Variants in RASGRF2 observed in about 807,000 individuals in gnomAD.
RASGRF2 encodes the protein Ras protein specific guanine nucleotide releasing factor 2.
RASGRF2 carries 76 observed loss-of-function variants against 151.0 expected under a neutral mutation model. The ratio of observed to expected loss-of-function variants is 0.50; its 90% CI spans 0.42 to 0.61. The LOEUF (loss-of-function observed/expected upper bound fraction) is 0.61. Among genes scored for constraint, RASGRF2 ranks in the 20% least tolerant of loss-of-function variants. The pLI, the probability that RASGRF2 is intolerant of heterozygous loss-of-function variation, is 0.00. For missense variants in RASGRF2, 1,148 were observed against 1,564.6 expected (o/e 0.73, Z 4.49); for synonymous variants, 504 against 566.5 (o/e 0.89, Z 1.57).
chr5:80,998,444 T>C (rs908091253), intron 1 of RASGRF2, among the ~76,000 whole-genome samples: 3 of 152,076 alleles, frequency 2.0e-5, no homozygotes, highest in Non-Finnish European at 2.9e-5. Flanking sequence ...AAGCCGAAAA[T>C]AGGTTTTGTT....
chr5:81,025,232 G>A (rs1435869849), intron 1 of RASGRF2, among the ~76,000 whole-genome samples: 1 of 152,186 alleles, frequency 6.6e-6, no homozygotes, highest in African/African-American at 2.4e-5. Context: ...TTTCTCAGGT[G>A]TGGCCAACTT....
At chr5:81,050,547 C>G (rs778527811) in intron 2 of RASGRF2, among the ~76,000 whole-genome samples, 1 of 152,094 alleles carries the variant, frequency 6.6e-6, no homozygotes, top group East Asian at 1.9e-4. Flanking sequence ...GCGAACTCCT[C>G]GTGCCACCCC....
chr5:81,029,238 C>T (rs1283153520), intron 1 of RASGRF2, among the ~76,000 whole-genome samples: 1 of 152,214 alleles, frequency 6.6e-6, no homozygotes. Flanking sequence ...CATAGCTGAA[C>T]AAAAGGCAGC....
intron 2 of RASGRF2, among the ~76,000 whole-genome samples, chr5:81,050,174 G>T (rs1320285528): frequency 6.6e-6 from 1 of 152,078 alleles, no homozygotes; most frequent in African/African-American, 2.4e-5. Context: ...CCTGGTGCAG[G>T]CCATCAACAC....
chr5:81,001,150 T>C (rs483970), intron 1 of RASGRF2, among the ~76,000 whole-genome samples: 128,834 of 152,226 alleles, frequency 0.85, 54,868 homozygotes, highest in Middle Eastern at 0.93. Context: ...TGTTGTTCTT[T>C]GTGTCTTCAC....
intron 19 of RASGRF2, among the ~76,000 whole-genome samples, chr5:81,203,795 A>G (rs934992632): frequency 3.9e-5 from 6 of 152,256 alleles, no homozygotes; most frequent in African/African-American, 1.4e-4. Flanking sequence ...AAGGAGGTTA[A>G]CACAATGCCT....
chr5:81,039,420 T>G (rs909084641), intron 1 of RASGRF2, among the ~76,000 whole-genome samples: 4 of 152,120 alleles, frequency 2.6e-5, no homozygotes, highest in Non-Finnish European at 5.9e-5. Context: ...GGCCACTATA[T>G]CAATAAAATA....
At chr5:81,208,242 T>G (rs775082522) in intron 21 of RASGRF2, 112 bp from the exon 22 acceptor site, 27 of 892,642 alleles carry the variant, frequency 3.0e-5, no homozygotes, top group Admixed American at 4.6e-5. Context: ...TCAGGAACCA[T>G]TCTAGGCCAT....
At position 80,987,607 on chromosome 5, in the gene RASGRF2, C is replaced by T. The variant is rs1245350055; in HGVS notation, c.288+26581C>T. On this transcript the variant is annotated intron_variant, in intron 1 of 26. Coordinates refer to ENST00000265080, the MANE Select transcript of RASGRF2 (RefSeq NM_006909.3). ...GTGGGAGAGCAGACAAGGGAGGGAG[C>T]ACAGGGAGCTGGCTTCCACTTAATA... 8.5e-5 allele frequency among the ~76,000 whole-genome samples: 13 copies of T among 152,222 alleles called. No homozygotes were observed. In the South Asian group the frequency reaches 2.5e-3, roughly 29 times the overall value.
chr5:81,087,626 C>T (rs1752277026), intron 9 of RASGRF2: 1 of 504,020 alleles, frequency 2.0e-6, no homozygotes, highest in Non-Finnish European at 3.5e-6. Context: ...TATTTCTCCT[C>T]GGCTGTTATT....
At chr5:81,083,778 G>T (rs1752153564) in intron 7 of RASGRF2, among the ~76,000 whole-genome samples, 1 of 152,190 alleles carries the variant, frequency 6.6e-6, no homozygotes, top group African/African-American at 2.4e-5. Context: ...CTCCTGACAA[G>T]AACAGCAGTG....
chr5:81,191,714 G>T (rs1561252806), intron 18 of RASGRF2, among the ~76,000 whole-genome samples: 1 of 151,830 alleles, frequency 6.6e-6, no homozygotes, highest in Non-Finnish European at 1.5e-5. Flanking sequence ...TTTTTAAACT[G>T]ACTGATTCCC....
chr5:81,097,220 CA>C (rs1434192017), intron 12 of RASGRF2, among the ~76,000 whole-genome samples: 10 of 152,160 alleles, frequency 6.6e-5, no homozygotes, highest in Non-Finnish European at 1.3e-4. Flanking sequence ...CTCGGCCTCC[CA>C]AAGTGCTGGG....
intron 1 of RASGRF2, among the ~76,000 whole-genome samples, chr5:80,973,756 C>G (rs1748017030): frequency 6.6e-6 from 1 of 152,092 alleles, no homozygotes; most frequent in Admixed American, 6.5e-5. Flanking sequence ...AGTGATGATC[C>G]CTTTTTGGGG....
At chr5:81,122,596 T>G (rs1270896007) in intron 15 of RASGRF2, among the ~76,000 whole-genome samples, 2 of 152,230 alleles carry the variant, frequency 1.3e-5, no homozygotes, top group East Asian at 3.8e-4. Flanking sequence ...GAGTGAAATC[T>G]TGAATGGAAT....
intron 18 of RASGRF2, among the ~76,000 whole-genome samples, chr5:81,199,613 C>T (rs569475745): frequency 1.2e-4 from 18 of 151,930 alleles, no homozygotes; most frequent in Non-Finnish European, 1.6e-4. Context: ...GATTTTTTGC[C>T]GGGTGCAGTG....
chr5:81,018,363 A>G (rs1749709670), intron 1 of RASGRF2, among the ~76,000 whole-genome samples: 1 of 152,122 alleles, frequency 6.6e-6, no homozygotes, highest in Non-Finnish European at 1.5e-5. Flanking sequence ...GCCTCGTCTT[A>G]GTTCTCTCTC....
At chr5:81,190,306 C>T (rs1381086970) in intron 18 of RASGRF2, among the ~76,000 whole-genome samples, 1 of 152,196 alleles carries the variant, frequency 6.6e-6, no homozygotes, top group Non-Finnish European at 1.5e-5. Flanking sequence ...TAATCTTTTA[C>T]TGACCGCTGC....
At chr5:81,142,358 C>T (rs1288561565) in intron 17 of RASGRF2, among the ~76,000 whole-genome samples, 1 of 152,206 alleles carries the variant, frequency 6.6e-6, no homozygotes, top group Non-Finnish European at 1.5e-5. Context: ...AACATCACTG[C>T]TCTGCTATCT....
Sources: allele counts gnomAD v4.1 joint callset (sites outside exome capture counted in the v4.1 genomes callset), GRCh38; gene constraint gnomAD v4.1.1; transcripts MANE v1.5; gene names NCBI Gene and HGNC (gene_info 2026-07-23, HGNC 2026-07-21).